The following PDZD2 variants were observed in gnomAD, a reference collection of about 807,000 sequenced individuals.
The protein encoded by PDZD2 is PDZ domain-containing protein 2.
In PDZD2, 90 loss-of-function variants were observed where a neutral mutation model predicts 220.7. That is an observed-to-expected ratio of 0.41 (90% CI 0.34 to 0.49). The LOEUF is 0.49. Ranked by LOEUF, PDZD2 falls within the 20% of genes least tolerant of loss-of-function variation. The probability of loss-of-function intolerance (pLI) is 0.28; values close to 1 mark genes in which losing one functional copy is unlikely to be tolerated. For missense variants in PDZD2, 3,174 were observed against 3,608.5 expected, an observed-to-expected ratio of 0.88 and a Z score of 3.08; for synonymous variants, 1,375 against 1,450.5, an observed-to-expected ratio of 0.95 and a Z score of 1.18.
At chr5:31,950,024 A>G (rs1272166617) in intron 2 of PDZD2, among the ~76,000 whole-genome samples, 1 of 151,982 alleles carries the variant, frequency 6.6e-6, no homozygotes, top group African/African-American at 2.4e-5. Flanking sequence ...CAGATTCTCT[A>G]TATGCAGTCT....
Position 31,916,083 on chromosome 5 carries a change from G to GTTTGT in PDZD2, c.477-67058_477-67054dup, listed in dbSNP as rs1364598162. Among the ~76,000 whole-genome samples the GTTTGT allele has an allele frequency of 7.9e-5, 12 of 152,142 alleles. No individual in the cohort carries two copies. In the East Asian group the frequency reaches 2.3e-3, roughly 29 times the overall value. ...TGTAGAGGGTAAACAACTGTTTTTTGTTTGTTTTGTTTTGTTTTTAACGCT... is the reference window on the plus strand; with the variant it reads ...TGTAGAGGGTAAACAACTGTTTTTTGTTTGTTTTGTTTTGTTTTGTTTTTAACGCT... On this transcript the variant is annotated intron_variant, in intron 2 of 24. Coordinates refer to ENST00000438447, the MANE Select transcript of PDZD2 (RefSeq NM_178140.4).
intron 6 of PDZD2, among the ~76,000 whole-genome samples, chr5:32,026,158 A>C: frequency 8.3e-6 from 1 of 120,012 alleles, no homozygotes; most frequent in Non-Finnish European, 1.8e-5. Flanking sequence ...TTTTTTGGTA[A>C]CAGTGTCTGG....
chr5:32,054,310 A>ATTTTTT (rs1738878968), intron 10 of PDZD2, among the ~76,000 whole-genome samples: 1 of 58,600 alleles, frequency 1.7e-5, no homozygotes, highest in African/African-American at 7.1e-5. Flanking sequence ...CTAAATGAAC[A>ATTTTTT]TCTTTTTTTT....
chr5:31,792,027 C>T (rs971544577), intron 1 of PDZD2, among the ~76,000 whole-genome samples: 17 of 152,192 alleles, frequency 1.1e-4, no homozygotes, highest in African/African-American at 4.1e-4. Context: ...ACAATTTCCA[C>T]TTTCATCCCA....
chr5:31,993,717 A>C (rs1751414348), intron 3 of PDZD2, among the ~76,000 whole-genome samples: 2 of 152,148 alleles, frequency 1.3e-5, no homozygotes, highest in Non-Finnish European at 2.9e-5. Context: ...CATTTGTTTC[A>C]TATGAAGATG....
intron 2 of PDZD2, among the ~76,000 whole-genome samples, chr5:31,931,784 A>G (rs933325255): frequency 2.0e-5 from 3 of 152,122 alleles, no homozygotes; most frequent in Non-Finnish European, 2.9e-5. Context: ...ACAGATCTGT[A>G]TACAATGAAG....
At chr5:31,675,211 G>A (rs561630811) in intron 1 of PDZD2, among the ~76,000 whole-genome samples, 11 of 152,312 alleles carry the variant, frequency 7.2e-5, no homozygotes, top group African/African-American at 2.6e-4. Context: ...GGGCACTTTT[G>A]CTCTCATTGT....
chr5:31,735,799 G>C (rs1372871117), intron 1 of PDZD2, among the ~76,000 whole-genome samples: 1 of 152,252 alleles, frequency 6.6e-6, no homozygotes, highest in Admixed American at 6.5e-5. Flanking sequence ...ACAAAAATTA[G>C]CTGGGCACGG....
At chr5:32,006,704 TC>T (rs1491310933) in intron 5 of PDZD2, among the ~76,000 whole-genome samples, 1 of 131,472 alleles carries the variant, frequency 7.6e-6, no homozygotes, top group African/African-American at 3.3e-5. Context: ...TTTTTTTTTT[TC>T]CTGAGACAGA....
At chr5:31,795,409 G>A (rs549028042) in intron 1 of PDZD2, among the ~76,000 whole-genome samples, 4 of 152,266 alleles carry the variant, frequency 2.6e-5, no homozygotes, top group South Asian at 2.1e-4. Flanking sequence ...AGCTTCAAGC[G>A]ATTCAAAATT....
At chr5:31,777,244 C>T (rs1021661911) in intron 1 of PDZD2, among the ~76,000 whole-genome samples, 3 of 152,202 alleles carry the variant, frequency 2.0e-5, no homozygotes, top group Non-Finnish European at 4.4e-5. Flanking sequence ...GCTTAGCACC[C>T]AGGCCAGCAG....
intron 1 of PDZD2, among the ~76,000 whole-genome samples, chr5:31,641,388 G>A (rs540341366): frequency 6.0e-4 from 91 of 152,298 alleles, no homozygotes; most frequent in African/African-American, 2.2e-3. Flanking sequence ...TTTTGCCAGA[G>A]AGGATCTGAA....
chr5:31,799,432 A>C lies in PDZD2; in HGVS notation c.184A>C (p.Ser62Arg). 1 of 1,614,202 alleles carries C rather than the reference A, an allele frequency of 6.2e-7. No homozygotes were observed. Among genetic ancestry groups the C allele is most frequent in the South Asian group, 1.1e-5 (1 of 91,084 alleles). Residue 62 changes from serine (S) to arginine (R), a missense_variant, in exon 2 of 25, where the codon AGC becomes CGC. Coordinates refer to ENST00000438447, the MANE Select transcript of PDZD2 (RefSeq NM_178140.4). ...VDESTVPPDH[S>R]PPEMEICTVY... is the part of the protein sequence containing the mutation. ...TGAGAGTACGGTCCCACCTGATCACAGCCCCCCCGAAATGGAGATCTGTAC... is the reference window on the plus strand; with the variant it reads ...TGAGAGTACGGTCCCACCTGATCACCGCCCCCCCGAAATGGAGATCTGTAC...
intron 2 of PDZD2, among the ~76,000 whole-genome samples, chr5:31,960,939 A>T (rs1748166489): frequency 6.6e-6 from 1 of 152,222 alleles, no homozygotes; most frequent in Non-Finnish European, 1.5e-5. Flanking sequence ...GGGTGTAGGG[A>T]CCGACTGACT....
In PDZD2 at chr5:32,108,636, G is replaced by C. The variant is rs931173095; in HGVS notation, c.*501G>C. ...ACATTCAATGGAAGGAGGAGATGTA[G>C]GTCTGTATATGTTACCCTGAAAAGA... On this transcript the variant is annotated 3_prime_UTR_variant, in exon 25 of 25. Transcript: ENST00000438447. The C allele has an allele frequency of 6.5e-6, 1 of 152,706 alleles. No homozygotes were observed. The highest frequency in any genetic ancestry group is 1.5e-5 in the Non-Finnish European group (1 of 68,186). 9.5% of individuals were successfully genotyped at this position (152,706 alleles called of 1,614,324 possible).
intron 2 of PDZD2, among the ~76,000 whole-genome samples, chr5:31,890,507 G>A (rs927576813): frequency 3.3e-5 from 5 of 152,112 alleles, no homozygotes; most frequent in South Asian, 2.1e-4. Flanking sequence ...GGTTCAGATC[G>A]TGGACTAATA....
At chr5:31,927,889 C>G (rs746815364) in intron 2 of PDZD2, among the ~76,000 whole-genome samples, 4 of 152,192 alleles carry the variant, frequency 2.6e-5, no homozygotes, top group African/African-American at 9.6e-5. Flanking sequence ...CACCGACATG[C>G]ACTTGCTCTC....
intron 1 of PDZD2, among the ~76,000 whole-genome samples, chr5:31,751,313 G>C (rs1020343281): frequency 1.3e-5 from 2 of 151,998 alleles, no homozygotes; most frequent in Admixed American, 1.3e-4. Flanking sequence ...GGCGATGGGG[G>C]TTAGAGCAGG....
intron 2 of PDZD2, among the ~76,000 whole-genome samples, chr5:31,856,493 C>G (rs1758456913): frequency 6.6e-6 from 1 of 152,204 alleles, no homozygotes; most frequent in African/African-American, 2.4e-5. Flanking sequence ...CCCTCACCCT[C>G]TCTGAGCCTG....
Sources: gnomAD v4.1 joint callset for allele counts (sites outside exome capture counted in the v4.1 genomes callset) on GRCh38, gnomAD v4.1.1 for gene constraint, MANE v1.5 for transcripts, NCBI Gene and HGNC (gene_info 2026-07-23, HGNC 2026-07-21) for gene names.